DHX57: variants seen among roughly 807,000 people sequenced by gnomAD.
The protein encoded by DHX57 is DExH-box helicase 57.
DHX57 carries 105 observed loss-of-function variants against 156.2 expected under a neutral mutation model. The ratio of observed to expected loss-of-function variants is 0.67; its 90% CI spans 0.57 to 0.79. The LOEUF (loss-of-function observed/expected upper bound fraction) is 0.79, where lower values mean the gene tolerates loss of function less well. Among genes scored for constraint, DHX57 ranks in the 30% least tolerant of loss-of-function variants. The pLI is 0.00. For synonymous variants in DHX57, 704 were observed against 595.6 expected (o/e 1.18, Z -2.65); for missense variants, 1,847 against 1,661.9 (o/e 1.11, Z -1.94).
intron 11 of DHX57, among the ~76,000 whole-genome samples, chr2:38,845,224 C>A (rs1276985429): frequency 6.6e-6 from 1 of 150,918 alleles, no homozygotes; most frequent in Non-Finnish European, 1.5e-5. Context: ...CAAAAAAAAA[C>A]CCATATATAT....
chr2:38,843,249 C>A (rs7559785), intron 11 of DHX57, 39 bp from the exon 12 acceptor site: 1 of 1,603,528 alleles, frequency 6.2e-7, no homozygotes, highest in Non-Finnish European at 8.5e-7. Context: ...TGTATGTGGT[C>A]CTGTTGGTGA....
At chr2:38,838,082 T>A in intron 12 of DHX57, 135 bp from the exon 13 acceptor site, 1 of 642,134 alleles carries the variant, frequency 1.6e-6, no homozygotes, top group South Asian at 1.9e-5. Context: ...TAACATTTAA[T>A]GTACTGAAAT....
intron 1 of DHX57, among the ~76,000 whole-genome samples, chr2:38,874,211 C>T (rs539991620): frequency 6.6e-6 from 1 of 151,982 alleles, no homozygotes; most frequent in African/African-American, 2.4e-5. Flanking sequence ...CCTGCCTCAG[C>T]CTCCTGAATA....
At chr2:38,856,867 G>A (rs762905727) in intron 6 of DHX57, 19 of 154,590 alleles carry the variant, frequency 1.2e-4, no homozygotes, top group African/African-American at 4.6e-4. Context: ...TCCTTTGTTG[G>A]ATTTGTTGGG....
At position 38,837,906 on chromosome 2, in the gene DHX57, A is replaced by T. The variant is rs371342665; in HGVS notation, c.2467T>A (p.Phe823Ile). The T allele has an allele frequency of 1.2e-6, 2 of 1,613,792 alleles. No individual in the cohort carries two copies. The highest frequency in any genetic ancestry group is 2.7e-5 in the African/African-American group (2 of 74,902). Residue 823 changes from phenylalanine (F) to isoleucine (I), a missense_variant, in exon 13 of 24, where the codon TTT (phenylalanine) becomes ATT (isoleucine). By Grantham distance (21) the Phe-to-Ile change is conservative. Transcript: ENST00000457308. ...ATTAATTCAAGATTCACCTTTTCAA[A>T]ATCCATGATGGACATTGTTTTGATG... ...SVIKTMSIMD[F>I]EKVNLELIEA...
chr2:38,851,942 T>C (rs954002253), intron 9 of DHX57, among the ~76,000 whole-genome samples: 1 of 152,174 alleles, frequency 6.6e-6, no homozygotes, highest in Non-Finnish European at 1.5e-5. Flanking sequence ...TAATTTTTTT[T>C]CCCATTGTTT....
At chr2:38,871,661 G>A (rs1019798790) in intron 1 of DHX57, among the ~76,000 whole-genome samples, 2 of 151,754 alleles carry the variant, frequency 1.3e-5, no homozygotes, top group Admixed American at 6.6e-5. Context: ...AAGTGGGCAC[G>A]ATACAGAGAG....
intron 20 of DHX57, among the ~76,000 whole-genome samples, chr2:38,815,147 A>G (rs1670460699): frequency 1.3e-5 from 2 of 151,718 alleles, no homozygotes. Flanking sequence ...GCCCACTGCA[A>G]CCTCTGCTTC....
rs73930365 is a variant in DHX57, at chr2:38,811,344, C to G, written c.3681+2477G>C. 4.6e-5 allele frequency: 24 copies of G among 524,258 alleles called. No homozygotes were observed. The Admixed American group carries it at 5.4e-4, about 12-fold the overall frequency. The allele number at this position is 524,258 out of a possible 1,614,324, so 32.5% of individuals were successfully genotyped here. On this transcript the variant is annotated intron_variant, in intron 21 of 23. Transcript: ENST00000457308. ...ATGGCACTGTGGGACACATACTTTGCCCCCTCCCACTGAGCAATTTCCACT... is the reference window on the plus strand; with the variant it reads ...ATGGCACTGTGGGACACATACTTTGGCCCCTCCCACTGAGCAATTTCCACT...
intron 9 of DHX57, among the ~76,000 whole-genome samples, chr2:38,849,260 T>A (rs1465901375): frequency 8.5e-5 from 13 of 152,158 alleles, no homozygotes; most frequent in Admixed American, 8.5e-4. Context: ...GAAAATAACA[T>A]GAAAACATCT....
At chr2:38,838,054 G>C in intron 12 of DHX57, 107 bp from the exon 13 acceptor site, 1 of 730,634 alleles carries the variant, frequency 1.4e-6, no homozygotes, top group South Asian at 1.7e-5. Flanking sequence ...GTGAGTGTTG[G>C]TTTAATAGCA....
chr2:38,803,741 G>A (rs374932099), intron 22 of DHX57, among the ~76,000 whole-genome samples: 13 of 150,996 alleles, frequency 8.6e-5, no homozygotes, highest in East Asian at 3.9e-4. Context: ...TGCCTGCCTC[G>A]GCCTCCCAAA....
At chr2:38,803,783 C>G (rs2148528912) in intron 22 of DHX57, among the ~76,000 whole-genome samples, 1 of 105,806 alleles carries the variant, frequency 9.5e-6, no homozygotes, top group East Asian at 4.9e-4. Context: ...GTCACCACAC[C>G]CAGCCTTTTT....
chr2:38,813,702 C>T lies in DHX57; in HGVS notation c.3681+119G>A, dbSNP rs532814326. 2.4e-4 allele frequency: 281 copies of T among 1,162,474 alleles called. No individual in the cohort carries two copies. In the African/African-American group the frequency reaches 3.7e-3, roughly 15 times the overall value. The allele number at this position is 1,162,474 out of a possible 1,614,324, so 72.0% of individuals were successfully genotyped here. On this transcript the variant is annotated intron_variant, in intron 21 of 23. Coordinates refer to ENST00000457308, the MANE Select transcript of DHX57 (RefSeq NM_198963.3). ...TGTATACTAAGTTTAAAAGGGTGTG[C>T]GTGTGTGCACACATGCGTATATATC... is the stretch of plus-strand genomic sequence containing the variant.
intron 9 of DHX57, among the ~76,000 whole-genome samples, chr2:38,850,593 C>T (rs562130546): frequency 7.3e-6 from 1 of 136,518 alleles, no homozygotes; most frequent in Non-Finnish European, 1.6e-5. Flanking sequence ...AGCCACTGCA[C>T]CTGGCCTGTT....
intron 20 of DHX57, among the ~76,000 whole-genome samples, 174 bp downstream of exon 20, chr2:38,815,347 G>T (rs749235745): frequency 6.6e-6 from 1 of 152,172 alleles, no homozygotes; most frequent in East Asian, 1.9e-4. Context: ...TTATAGGCAC[G>T]AGCCACCGTG....
At chr2:38,839,719 C>CAA (rs778698613) in intron 12 of DHX57, among the ~76,000 whole-genome samples, 9 of 100,286 alleles carry the variant, frequency 9.0e-5, no homozygotes, top group South Asian at 3.1e-4. Context: ...GACTCCGTCT[C>CAA]AAAAAAAAAA....
rs189744696 is a variant in DHX57, at chr2:38,807,443, C to T, written c.3682-750G>A. Among the ~76,000 whole-genome samples the T allele has an allele frequency of 2.6e-3, 389 of 152,120 alleles. 2 individuals are homozygous for T. Among genetic ancestry groups the T allele is most frequent in the Non-Finnish European group, 4.4e-3 (299 of 67,986 alleles). On this transcript the variant is annotated intron_variant, in intron 21 of 23. Coordinates refer to ENST00000457308, the MANE Select transcript of DHX57 (RefSeq NM_198963.3). ...AGTGATCTGGGCTCACTGCAAGTTC[C>T]GCCTCCCGGGTTCACGCCATTCTCC...
chr2:38,811,773 T>C (rs1670262954), intron 21 of DHX57: 2 of 470,032 alleles, frequency 4.3e-6, no homozygotes, highest in South Asian at 2.3e-5. Flanking sequence ...GTCTTTCTTA[T>C]TGGTGAGTTC....
Sources: gnomAD v4.1 joint callset for allele counts (sites outside exome capture counted in the v4.1 genomes callset) on GRCh38, gnomAD v4.1.1 for gene constraint, MANE v1.5 for transcripts, NCBI Gene and HGNC (gene_info 2026-07-23, HGNC 2026-07-21) for gene names.